Variants in AGTPBP1 observed in about 807,000 individuals in gnomAD.
The protein encoded by AGTPBP1 is cytosolic carboxypeptidase 1.
A neutral mutation model predicts 143.9 loss-of-function variants in AGTPBP1; 70 were observed. That is an observed-to-expected ratio of 0.49 (90% CI 0.40 to 0.59). AGTPBP1 has a LOEUF of 0.59. AGTPBP1 is among the 20% of genes least tolerant of loss of function. AGTPBP1 has a pLI of 0.00. For synonymous variants in AGTPBP1, 463 were observed against 500.2 expected, an observed-to-expected ratio of 0.93 and a Z score of 0.99; for missense variants, 1,229 against 1,464.5, an observed-to-expected ratio of 0.84 and a Z score of 2.62.
intron 24 of AGTPBP1, among the ~76,000 whole-genome samples, chr9:85,576,965 T>C (rs1827937368): frequency 6.6e-6 from 1 of 152,018 alleles, no homozygotes; most frequent in Admixed American, 6.5e-5. Flanking sequence ...TAGGTATCCA[T>C]TTTATTTGTA....
rs755047931 is a variant in AGTPBP1 at position 85,633,176 on chromosome 9, C to G, written c.1501G>C (p.Asp501His). 1 of 1,613,314 alleles carries G rather than the reference C, an allele frequency of 6.2e-7. No individual in the cohort carries two copies. The highest frequency in any genetic ancestry group is 1.3e-5 in the African/African-American group (1 of 74,908). The change falls in exon 14 of 26, where the codon GAT (aspartate) becomes CAT (histidine). Residue 501 changes from aspartate to histidine, a missense_variant. Physicochemically the swap from Asp to His is moderately conservative, Grantham distance 81 (BLOSUM62 -1). Coordinates refer to ENST00000357081, the MANE Select transcript of AGTPBP1 (RefSeq NM_001330701.2). Reference sequence around the variant, plus strand: ...AATGTTCTATCATTATCTTTAATATCTTCTTTTGCTAGATCCATAAAGGTA... The same window carrying G: ...AATGTTCTATCATTATCTTTAATATGTTCTTTTGCTAGATCCATAAAGGTA... ...KSTFMDLAKE[D>H]IKDNDRTLQQ...
chr9:85,740,128 A>G (rs1314226586), intron 1 of AGTPBP1, among the ~76,000 whole-genome samples: 1 of 152,246 alleles, frequency 6.6e-6, no homozygotes, highest in East Asian at 1.9e-4. Context: ...TAAAGAGAAG[A>G]ATGCCTCAAT....
intron 25 of AGTPBP1, among the ~76,000 whole-genome samples, chr9:85,570,711 T>C (rs372077389): frequency 4.3e-4 from 65 of 152,162 alleles, no homozygotes; most frequent in African/African-American, 1.5e-3. Flanking sequence ...CCATGATAGG[T>C]TGCAATAAAT....
chr9:85,674,821 C>T (rs1246858273), intron 6 of AGTPBP1, among the ~76,000 whole-genome samples: 1 of 152,158 alleles, frequency 6.6e-6, no homozygotes, highest in Non-Finnish European at 1.5e-5. Flanking sequence ...CACACGCATC[C>T]TCATTTTTTC....
chr9:85,780,669 G>C, the AGTPBP1 span, among the ~76,000 whole-genome samples: 6 of 152,080 alleles, frequency 3.9e-5, no homozygotes, highest in African/African-American at 1.4e-4. Context: ...GTTGGTAGGG[G>C]GTAGGATGGA....
At chr9:85,643,182 T>C (rs1037094925) in intron 12 of AGTPBP1, among the ~76,000 whole-genome samples, 1 of 152,156 alleles carries the variant, frequency 6.6e-6, no homozygotes, top group Non-Finnish European at 1.5e-5. Context: ...TAACAGAGTA[T>C]TCTGGCTACT....
At chr9:85,618,866 T>C (rs1295500951) in intron 17 of AGTPBP1, 117 bp downstream of exon 17, 10 of 1,117,488 alleles carry the variant, frequency 8.9e-6, no homozygotes, top group African/African-American at 1.6e-5. Flanking sequence ...TTTTGAGAAC[T>C]AGAGAAAACA....
chr9:85,597,055 T>A (rs1188532987), intron 17 of AGTPBP1, among the ~76,000 whole-genome samples: 5 of 152,292 alleles, frequency 3.3e-5, no homozygotes, highest in Admixed American at 1.3e-4. Context: ...TCATGTTAAT[T>A]ATAGAAAGGC....
chr9:85,793,414 A>T, the AGTPBP1 span: 1 of 152,158 alleles, frequency 6.6e-6, no homozygotes, highest in East Asian at 1.9e-4. Context: ...ATTAAATTTA[A>T]CATTACCACA....
intron 23 of AGTPBP1, among the ~76,000 whole-genome samples, chr9:85,580,185 C>T (rs1828162787): frequency 6.7e-6 from 1 of 149,320 alleles, no homozygotes; most frequent in African/African-American, 2.5e-5. Context: ...TTGCGTGAGC[C>T]GAGATTGCAC....
the AGTPBP1 span, among the ~76,000 whole-genome samples, chr9:85,757,004 T>G: frequency 0.51 from 75,339 of 148,422 alleles, 20,951 homozygotes; most frequent in Non-Finnish European, 0.65. Flanking sequence ...TTCTTTTTTT[T>G]GGGGGGGTGA....
At chr9:85,758,075 C>T in the AGTPBP1 span, among the ~76,000 whole-genome samples, 1 of 152,136 alleles carries the variant, frequency 6.6e-6, no homozygotes, top group South Asian at 2.1e-4. Context: ...ATTTGGAAGC[C>T]CCCACTTAAA....
intron 14 of AGTPBP1, among the ~76,000 whole-genome samples, chr9:85,629,488 A>G (rs899646163): frequency 2.0e-5 from 3 of 152,306 alleles, no homozygotes; most frequent in South Asian, 2.1e-4. Flanking sequence ...GCTTGGAACC[A>G]TGGATAGAAC....
chr9:85,662,366 GTGT>G (rs1833898044), intron 8 of AGTPBP1, among the ~76,000 whole-genome samples: 1 of 152,122 alleles, frequency 6.6e-6, no homozygotes, highest in Non-Finnish European at 1.5e-5. Context: ...ACAATGTGAA[GTGT>G]TGGTGAGTTA....
Position 85,687,070 on chromosome 9 carries a change from A to G in AGTPBP1, c.157+5619T>C, listed in dbSNP as rs1469650782. ...GTACGATATGCAAAGAGTAATAATCATTCGGCAGCTGGAGTGGCAATATTA... is the reference window on the plus strand; with the variant it reads ...GTACGATATGCAAAGAGTAATAATCGTTCGGCAGCTGGAGTGGCAATATTA... On this transcript the variant is annotated intron_variant, in intron 3 of 25. Coordinates refer to ENST00000357081, the MANE Select transcript of AGTPBP1 (RefSeq NM_001330701.2). Among the ~76,000 whole-genome samples the G allele has an allele frequency of 2.6e-5, 4 of 152,300 alleles. No homozygotes were observed. The East Asian group carries it at 7.7e-4, about 29-fold the overall frequency.
At chr9:85,668,488 T>C (rs1466160605) in intron 8 of AGTPBP1, among the ~76,000 whole-genome samples, 1 of 151,988 alleles carries the variant, frequency 6.6e-6, no homozygotes, top group South Asian at 2.1e-4. Context: ...ATTAATAATT[T>C]TGTTGGCTAT....
intron 1 of AGTPBP1, among the ~76,000 whole-genome samples, chr9:85,729,134 C>T (rs539907717): frequency 6.6e-6 from 1 of 152,224 alleles, no homozygotes; most frequent in Non-Finnish European, 1.5e-5. Flanking sequence ...ACATGCATGT[C>T]AAGTCCATTC....
chr9:85,765,440 C>A, the AGTPBP1 span, among the ~76,000 whole-genome samples: 1 of 151,776 alleles, frequency 6.6e-6, no homozygotes, highest in African/African-American at 2.4e-5. Flanking sequence ...CAGTAAAAGA[C>A]CTTTTAGTTA....
At chr9:85,681,219 T>C in intron 4 of AGTPBP1, 49 bp downstream of exon 4, 1 of 1,541,582 alleles carries the variant, frequency 6.5e-7, no homozygotes, top group African/African-American at 1.4e-5. Flanking sequence ...TCTTCTTCAG[T>C]ATTGCTTGGC....
Sources: allele counts gnomAD v4.1 joint callset (sites outside exome capture counted in the v4.1 genomes callset), GRCh38; gene constraint gnomAD v4.1.1; transcripts MANE v1.5; gene names NCBI Gene and HGNC (gene_info 2026-07-23, HGNC 2026-07-21).